Variants in AP3B1 observed in about 807,000 individuals in gnomAD.
AP3B1 encodes the protein adaptor related protein complex 3 subunit beta 1, also known as AP-3 complex subunit beta-1.
AP3B1 carries 61 observed loss-of-function variants against 132.5 expected under a neutral mutation model. The observed-to-expected ratio is 0.46, with a 90% confidence interval of 0.37 to 0.57. AP3B1 has a LOEUF of 0.57. AP3B1 is among the 20% of genes least tolerant of loss of function. The pLI is 0.00. For synonymous variants in AP3B1, 388 were observed against 438.3 expected, an observed-to-expected ratio of 0.89 and a Z score of 1.43; for missense variants, 1,120 against 1,289.4, an observed-to-expected ratio of 0.87 and a Z score of 2.01.
intron 22 of AP3B1, chr5:78,043,447 T>C (rs552293922): frequency 1.3e-5 from 3 of 223,122 alleles, no homozygotes; most frequent in Non-Finnish European, 2.9e-5. Flanking sequence ...CTCTTCTTTC[T>C]CACCTTTCTC....
At chr5:78,003,756 A>G (rs532067898) in intron 26 of AP3B1, among the ~76,000 whole-genome samples, 1 of 152,310 alleles carries the variant, frequency 6.6e-6, no homozygotes, top group South Asian at 2.1e-4. Flanking sequence ...TAAAGCTCTA[A>G]CTCTAAATTC....
chr5:78,109,971 C>G (rs1008564315), intron 20 of AP3B1, among the ~76,000 whole-genome samples: 1 of 152,038 alleles, frequency 6.6e-6, no homozygotes, highest in East Asian at 1.9e-4. Flanking sequence ...CAGCAAAACC[C>G]CCCCCTTGTC....
intron 15 of AP3B1, among the ~76,000 whole-genome samples, chr5:78,136,329 T>C (rs562178464): frequency 6.6e-6 from 1 of 152,212 alleles, no homozygotes; most frequent in Non-Finnish European, 1.5e-5. Context: ...CTCTAATGCT[T>C]GTTTTGAAAA....
chr5:78,231,361 A>AC (rs1561490908), intron 3 of AP3B1, among the ~76,000 whole-genome samples: 1 of 151,918 alleles, frequency 6.6e-6, no homozygotes, highest in Non-Finnish European at 1.5e-5. Context: ...CTTAGTAGAG[A>AC]TGGGGTTTCA....
At chr5:78,126,772 C>T (rs1052988872) in intron 17 of AP3B1, among the ~76,000 whole-genome samples, 2 of 152,084 alleles carry the variant, frequency 1.3e-5, no homozygotes, top group Non-Finnish European at 2.9e-5. Context: ...GGTTCCTCTT[C>T]TCATATTACA....
At chr5:78,294,294 A>G in intron 1 of AP3B1, 158 bp downstream of exon 1, 1 of 999,242 alleles carries the variant, frequency 1.0e-6, no homozygotes, top group South Asian at 1.5e-5. Flanking sequence ...ACCACCGCCA[A>G]CCAACCCCAC....
chr5:78,290,199 C>T (rs1749453420), intron 1 of AP3B1, among the ~76,000 whole-genome samples: 1 of 152,186 alleles, frequency 6.6e-6, no homozygotes, highest in African/African-American at 2.4e-5. Context: ...AAATGGAAAA[C>T]ATCAACTTAA....
intron 7 of AP3B1, among the ~76,000 whole-genome samples, chr5:78,204,513 T>G (rs1745423972): frequency 6.6e-6 from 1 of 152,238 alleles, no homozygotes; most frequent in African/African-American, 2.4e-5. Context: ...GATCCCATAT[T>G]ATCCACAGGA....
chr5:78,177,253 T>A (rs1421449945), intron 9 of AP3B1, 86 bp downstream of exon 9: 1 of 875,130 alleles, frequency 1.1e-6, no homozygotes, highest in Admixed American at 2.0e-5. Context: ...CAGAGTTATA[T>A]ATTAAATGCC....
intron 21 of AP3B1, among the ~76,000 whole-genome samples, chr5:78,090,599 C>A (rs1750468945): frequency 6.6e-6 from 1 of 152,232 alleles, no homozygotes; most frequent in Non-Finnish European, 1.5e-5. Flanking sequence ...GAACAAACTT[C>A]TATAACTGTA....
chr5:78,025,504 A>G (rs573589131), intron 24 of AP3B1, among the ~76,000 whole-genome samples: 1 of 152,318 alleles, frequency 6.6e-6, no homozygotes, highest in South Asian at 2.1e-4. Context: ...GTTATGACCA[A>G]TGAATTATAA....
intron 2 of AP3B1, 110 bp downstream of exon 2, chr5:78,267,410 C>T (rs1561210422): frequency 2.2e-6 from 1 of 452,304 alleles, no homozygotes; most frequent in Non-Finnish European, 3.7e-6. Context: ...ATATTAAGGG[C>T]AAACAGAATA....
chr5:78,176,465 A>G (rs1744151647), intron 9 of AP3B1, among the ~76,000 whole-genome samples: 1 of 152,220 alleles, frequency 6.6e-6, no homozygotes, highest in Non-Finnish European at 1.5e-5. Context: ...AAGAGCTACA[A>G]TTGTGGACTA....
At chr5:78,110,684 CTGTG>C (rs144921350) in intron 19 of AP3B1, among the ~76,000 whole-genome samples, 3,992 of 143,534 alleles carry the variant, frequency 0.028, 69 homozygotes, top group Non-Finnish European at 0.044. Context: ...AATACTGTGC[CTGTG>C]TGTGTGTGTG....
At position 78,278,863 on chromosome 5, in the gene AP3B1, G is replaced by C. The variant is rs895913941; in HGVS notation, c.129-11268C>G. Among the ~76,000 whole-genome samples the C allele has an allele frequency of 5.9e-5, 9 of 152,024 alleles. 1 individual carries two copies. Among genetic ancestry groups the C allele is most frequent in the South Asian group, 4.1e-4 (2 of 4,822 alleles). Reference sequence around the variant, plus strand: ...CCTCTTGTAAACTGTGCATGCGAGGGATCTAGGCTGCACGCTCCTTATGAG... The same window carrying C: ...CCTCTTGTAAACTGTGCATGCGAGGCATCTAGGCTGCACGCTCCTTATGAG... On this transcript the variant is annotated intron_variant, in intron 1 of 26. Coordinates refer to ENST00000255194, the MANE Select transcript of AP3B1 (RefSeq NM_003664.5).
chr5:78,087,161 A>C (rs1362806854), intron 22 of AP3B1, among the ~76,000 whole-genome samples: 1 of 152,160 alleles, frequency 6.6e-6, no homozygotes, highest in Non-Finnish European at 1.5e-5. Flanking sequence ...CAACATGTTG[A>C]CTTTAAAATT....
At chr5:78,143,417 G>A (rs1753237828) in intron 14 of AP3B1, among the ~76,000 whole-genome samples, 1 of 147,122 alleles carries the variant, frequency 6.8e-6, no homozygotes, top group South Asian at 2.1e-4. Flanking sequence ...TTCTAGAACT[G>A]AGCTAATAAA....
At chr5:78,259,900 G>T (rs909505484) in intron 2 of AP3B1, among the ~76,000 whole-genome samples, 4 of 151,972 alleles carry the variant, frequency 2.6e-5, no homozygotes, top group African/African-American at 9.7e-5. Flanking sequence ...GACCCGGGAG[G>T]CAGAGGTTGC....
intron 26 of AP3B1, among the ~76,000 whole-genome samples, chr5:78,009,324 G>C (rs1746520328): frequency 6.6e-6 from 1 of 151,708 alleles, no homozygotes; most frequent in African/African-American, 2.4e-5. Context: ...GCTGGGCATG[G>C]TGGCATGCAC....
Sources: gnomAD v4.1 joint callset for allele counts (sites outside exome capture counted in the v4.1 genomes callset) on GRCh38, gnomAD v4.1.1 for gene constraint, MANE v1.5 for transcripts, NCBI Gene and HGNC (gene_info 2026-07-23, HGNC 2026-07-21) for gene names.